Variants in CDK15 observed in about 807,000 individuals in gnomAD.
CDK15 encodes cyclin dependent kinase 15, also known as cyclin-dependent kinase 15.
CDK15 carries 62 observed loss-of-function variants against 60.3 expected under a neutral mutation model. The ratio of observed to expected loss-of-function variants is 1.03; its 90% CI spans 0.84 to 1.27. The LOEUF is 1.27. Among genes scored for constraint, CDK15 ranks in the 50% most tolerant of loss-of-function variants. The probability of loss-of-function intolerance (pLI) is 0.00; values close to 1 mark genes in which losing one functional copy is unlikely to be tolerated. For synonymous variants in CDK15, 194 were observed against 195.7 expected (o/e 0.99, Z 0.07); for missense variants, 541 against 527.8 (o/e 1.03, Z -0.25).
rs140505681 is a variant in CDK15, at chr2:201,882,536, G to C, written c.1198+2369G>C. Among the ~76,000 whole-genome samples, 4 of 152,034 alleles carry C rather than the reference G, an allele frequency of 2.6e-5. No individual in the cohort carries two copies. Among genetic ancestry groups the C allele is most frequent in the African/African-American group, 9.7e-5 (4 of 41,384 alleles). ...CACAGGGCTCTGCTGCTGCTGCCTCGGCGGACAAGCATTTCCTGCAGCGAC... is the reference window on the plus strand; with the variant it reads ...CACAGGGCTCTGCTGCTGCTGCCTCCGCGGACAAGCATTTCCTGCAGCGAC... On this transcript the variant is annotated intron_variant, in intron 12 of 13. Coordinates refer to ENST00000652192, the MANE Select transcript of CDK15 (RefSeq NM_001366386.2). This position sits in a 1 kb window ranked among gnomAD's most constrained non-coding sequence, Gnocchi z 4.0.
At chr2:201,812,628 G>A in intron 4 of CDK15, 66 bp downstream of exon 4, 1 of 985,194 alleles carries the variant, frequency 1.0e-6, no homozygotes, top group Non-Finnish European at 1.6e-6. Context: ...AAAATGTATT[G>A]CATTGATCCA....
chr2:201,818,917 G>A (rs1404884889), intron 4 of CDK15, among the ~76,000 whole-genome samples: 1 of 152,068 alleles, frequency 6.6e-6, no homozygotes, highest in African/African-American at 2.4e-5. Context: ...AATATTTATT[G>A]AGTGCCAGAC....
chr2:201,871,054 T>C (rs759029088), intron 10 of CDK15, among the ~76,000 whole-genome samples: 1 of 152,188 alleles, frequency 6.6e-6, no homozygotes, highest in Non-Finnish European at 1.5e-5. Flanking sequence ...GTGCTCCAAT[T>C]TTTATTATCA....
chr2:201,807,915 G>A lies in CDK15; in HGVS notation c.331G>A (p.Glu111Lys), dbSNP rs772172729. The A allele has an allele frequency of 5.6e-6, 9 of 1,614,170 alleles. No individual in the cohort carries two copies. Among genetic ancestry groups the A allele is most frequent in the Non-Finnish European group, 7.6e-6 (9 of 1,180,038 alleles). The change falls in exon 3 of 14, where the codon GAA (glutamate) becomes AAA (lysine). Residue 111 changes from glutamate to lysine, a missense_variant. Coordinates refer to ENST00000652192, the MANE Select transcript of CDK15 (RefSeq NM_001366386.2). ...TTACTTGAACTTGGAGAAGCTGGGTGAAGGCTCTTATGCGACAGTTTACAA... is the reference window on the plus strand; with the variant it reads ...TTACTTGAACTTGGAGAAGCTGGGTAAAGGCTCTTATGCGACAGTTTACAA... ...SSYLNLEKLG[E>K]GSYATVYKGI...
intron 6 of CDK15, among the ~76,000 whole-genome samples, chr2:201,833,564 T>TAGATTTTTAAAGAAGGGTAATTCCTTC (rs1246047368): frequency 2.0e-5 from 3 of 152,184 alleles, no homozygotes; most frequent in African/African-American, 2.4e-5. Flanking sequence ...AGTTTCACTT[T>TAGATTTTTAAAGAAGGGTAATTCCTTC]AGATTTTTAA....
At chr2:201,815,527 T>C (rs995578325) in intron 4 of CDK15, among the ~76,000 whole-genome samples, 12 of 152,240 alleles carry the variant, frequency 7.9e-5, no homozygotes, top group Non-Finnish European at 1.8e-4. Flanking sequence ...AAATCTCTCA[T>C]AATTGACTCT....
intron 8 of CDK15, among the ~76,000 whole-genome samples, chr2:201,838,890 C>T (rs1697247083): frequency 6.6e-6 from 1 of 151,780 alleles, no homozygotes; most frequent in Admixed American, 6.6e-5. Context: ...AAAAATAATC[C>T]TTTTACATTT....
chr2:201,854,481 T>C (rs111663709), intron 9 of CDK15, among the ~76,000 whole-genome samples: 1 of 152,332 alleles, frequency 6.6e-6, no homozygotes, highest in Non-Finnish European at 1.5e-5. Context: ...AATATACATG[T>C]GGTCATCTGA....
intron 3 of CDK15, among the ~76,000 whole-genome samples, chr2:201,810,837 CTTTTTTTTT>C (rs199591982): frequency 3.9e-4 from 48 of 123,626 alleles, no homozygotes; most frequent in Admixed American, 8.3e-4. Flanking sequence ...GGTATGCACT[CTTTTTTTTT>C]TTTTTTTTTT....
At chr2:201,824,832 T>C (rs1433019090) in intron 6 of CDK15, 10 of 603,342 alleles carry the variant, frequency 1.7e-5, no homozygotes, top group Non-Finnish European at 2.3e-5. Flanking sequence ...GTTACAGCAA[T>C]TGATCAAAAA....
chr2:201,861,035 A>G (rs567334632), intron 10 of CDK15: 2 of 1,149,988 alleles, frequency 1.7e-6, no homozygotes, highest in African/African-American at 1.6e-5. Context: ...ATGAGCTATT[A>G]GCCAAGGGAG....
chr2:201,883,503 G>A (rs189320481), intron 12 of CDK15, among the ~76,000 whole-genome samples: 372 of 152,326 alleles, frequency 2.4e-3, no homozygotes, highest in Non-Finnish European at 4.2e-3. Flanking sequence ...GGGGTTATTT[G>A]CCATGAAAAC....
At chr2:201,867,885 T>G (rs1465892976) in intron 10 of CDK15, among the ~76,000 whole-genome samples, 1 of 152,210 alleles carries the variant, frequency 6.6e-6, no homozygotes, top group African/African-American at 2.4e-5. Context: ...TCCCAGCAAC[T>G]GGAAAATGAT....
intron 11 of CDK15, among the ~76,000 whole-genome samples, chr2:201,876,062 G>C (rs1232896625): frequency 6.6e-6 from 1 of 152,192 alleles, no homozygotes; most frequent in Admixed American, 6.5e-5. Context: ...ACAAACCTAA[G>C]AGTATGAATT....
At chr2:201,875,041 A>T (rs1364028639) in intron 11 of CDK15, among the ~76,000 whole-genome samples, 1 of 152,202 alleles carries the variant, frequency 6.6e-6, no homozygotes, top group African/African-American at 2.4e-5. Flanking sequence ...CTGCTGTCCC[A>T]GACCCCTGAG....
intron 10 of CDK15, among the ~76,000 whole-genome samples, chr2:201,856,830 G>A (rs1339764245): frequency 6.6e-6 from 1 of 152,110 alleles, no homozygotes; most frequent in Non-Finnish European, 1.5e-5. Context: ...GGTTGGTCCA[G>A]GCAATCAACA....
intron 9 of CDK15, 106 bp from the exon 10 acceptor site, chr2:201,854,768 G>T: frequency 1.1e-6 from 1 of 893,418 alleles, no homozygotes. Flanking sequence ...ACATACATCT[G>T]ACGCTTCCCT....
chr2:201,807,888 T>A lies in CDK15; in HGVS notation c.304T>A (p.Ser102Thr), dbSNP rs768959454. The A allele has an allele frequency of 2.5e-6, 4 of 1,614,162 alleles. No homozygotes were observed. The highest frequency in any genetic ancestry group is 3.3e-5 in the Admixed American group (2 of 60,020). ...GAGCCTCCCTTTTGGGGCAGCCTCA[T>A]CTTACTTGAACTTGGAGAAGCTGGG... ...RKSLPFGAASSYLNLEKLGEG... is the reference protein window; with the variant it reads ...RKSLPFGAASTYLNLEKLGEG... Residue 102 changes from serine (S) to threonine (T), a missense_variant, in exon 3 of 14, where the codon TCT becomes ACT. Physicochemically the swap from Ser to Thr is moderately conservative, Grantham distance 58. Coordinates refer to ENST00000652192, the MANE Select transcript of CDK15 (RefSeq NM_001366386.2).
chr2:201,816,855 A>C (rs1696019503), intron 4 of CDK15, among the ~76,000 whole-genome samples: 2 of 152,274 alleles, frequency 1.3e-5, no homozygotes, highest in South Asian at 2.1e-4. Flanking sequence ...AACACCTGAA[A>C]GTTACCACCC....
Sources: allele counts gnomAD v4.1 joint callset (sites outside exome capture counted in the v4.1 genomes callset), GRCh38; gene constraint gnomAD v4.1.1; non-coding constraint Gnocchi (gnomAD v3.1); transcripts MANE v1.5; gene names NCBI Gene and HGNC (gene_info 2026-07-23, HGNC 2026-07-21).